Variants in MMP16 observed in about 807,000 individuals in gnomAD.
MMP16 encodes the protein matrix metallopeptidase 16, also known as matrix metalloproteinase-16.
Under a neutral mutation model 67.8 loss-of-function variants are expected in MMP16, and 12 were observed. The observed-to-expected ratio is 0.18, with a 90% confidence interval of 0.11 to 0.29. The LOEUF is 0.29. MMP16 is among the 10% of genes least tolerant of loss of function. MMP16 has a pLI of 1.00. For synonymous variants in MMP16, 249 were observed against 255.9 expected, an observed-to-expected ratio of 0.97 and a Z score of 0.26; for missense variants, 475 against 765.7, an observed-to-expected ratio of 0.62 and a Z score of 4.48.
intron 1 of MMP16, among the ~76,000 whole-genome samples, chr8:88,308,829 G>C (rs1204838307): frequency 6.6e-6 from 1 of 151,432 alleles, no homozygotes; most frequent in African/African-American, 2.4e-5. Flanking sequence ...GACAGAACGG[G>C]GCCAATTTTA....
chr8:88,204,992 C>T (rs1309526953), intron 1 of MMP16, among the ~76,000 whole-genome samples: 1 of 152,160 alleles, frequency 6.6e-6, no homozygotes, highest in Non-Finnish European at 1.5e-5. Context: ...TGCTTTCCTC[C>T]ACAGAATCTG....
intron 7 of MMP16, among the ~76,000 whole-genome samples, chr8:88,062,663 G>C (rs79809142): frequency 1.5e-4 from 23 of 151,408 alleles, no homozygotes; most frequent in Non-Finnish European, 2.4e-4. Flanking sequence ...GTTGTGGGGT[G>C]GGGGGAGTGG....
chr8:88,175,788 G>A (rs1697023922), intron 3 of MMP16, among the ~76,000 whole-genome samples: 1 of 152,166 alleles, frequency 6.6e-6, no homozygotes, highest in Non-Finnish European at 1.5e-5. Context: ...CTCCGTGGGA[G>A]GTAATTGAAT....
chr8:88,190,502 C>A (rs572383133), intron 2 of MMP16, among the ~76,000 whole-genome samples: 53 of 152,254 alleles, frequency 3.5e-4, no homozygotes, highest in Non-Finnish European at 6.9e-4. Context: ...TGTTGTCTAA[C>A]ATTAAATACA....
intron 1 of MMP16, among the ~76,000 whole-genome samples, chr8:88,216,316 T>C (rs1382479504): frequency 1.3e-5 from 2 of 152,198 alleles, no homozygotes; most frequent in African/African-American, 4.8e-5. Context: ...AACAAAGTTT[T>C]AATTTTTCTG....
At chr8:88,160,975 C>T (rs907006006) in intron 4 of MMP16, among the ~76,000 whole-genome samples, 4 of 152,188 alleles carry the variant, frequency 2.6e-5, no homozygotes, top group Admixed American at 6.5e-5. Context: ...ATTTTTGCAT[C>T]GATGTTCATC....
chr8:88,255,756 A>G (rs1810291183), intron 1 of MMP16, among the ~76,000 whole-genome samples: 1 of 152,182 alleles, frequency 6.6e-6, no homozygotes, highest in African/African-American at 2.4e-5. Context: ...GATTTTATAT[A>G]GGTGCATGAA....
chr8:88,220,352 T>C (rs1255547090), intron 1 of MMP16, among the ~76,000 whole-genome samples: 1 of 152,176 alleles, frequency 6.6e-6, no homozygotes, highest in African/African-American at 2.4e-5. Context: ...TTTCCTTTTA[T>C]TTCTTCCATT....
At chr8:88,296,627 A>G (rs1811016746) in intron 1 of MMP16, among the ~76,000 whole-genome samples, 1 of 152,094 alleles carries the variant, frequency 6.6e-6, no homozygotes, top group Non-Finnish European at 1.5e-5. Context: ...TGAGGCCAAG[A>G]GTTCGAAACC....
chr8:88,158,032 T>G (rs1808544366), intron 4 of MMP16, among the ~76,000 whole-genome samples: 1 of 152,178 alleles, frequency 6.6e-6, no homozygotes, highest in Non-Finnish European at 1.5e-5. Context: ...TAGTATTCCA[T>G]GGTGTATAGG....
At chr8:88,045,076 G>C (rs369469955) in intron 9 of MMP16, among the ~76,000 whole-genome samples, 48 of 152,082 alleles carry the variant, frequency 3.2e-4, no homozygotes, top group African/African-American at 1.1e-3. Flanking sequence ...TCTTAACTTG[G>C]TCTTTTAATT....
At chr8:88,191,844 GA>G (rs1192652788) in intron 2 of MMP16, among the ~76,000 whole-genome samples, 1 of 152,200 alleles carries the variant, frequency 6.6e-6, no homozygotes, top group East Asian at 1.9e-4. Flanking sequence ...GGTGCTGCAG[GA>G]AGGCCGTGCT....
intron 1 of MMP16, among the ~76,000 whole-genome samples, chr8:88,294,838 G>A (rs1810988313): frequency 6.6e-6 from 1 of 152,248 alleles, no homozygotes; most frequent in East Asian, 1.9e-4. Context: ...TCAGCCTCCT[G>A]AGAAGCTGGG....
At chr8:88,321,884 T>C (rs7008397) in intron 1 of MMP16, among the ~76,000 whole-genome samples, 152,167 of 152,282 alleles carry the variant, frequency 1, 76,027 homozygotes, top group Non-Finnish European at 1. Context: ...TAAAGCCCAC[T>C]TCCTTCAACT....
chr8:88,186,448 AG>A lies in MMP16; in HGVS notation c.404+27del, dbSNP rs747740604. The A allele has an allele frequency of 6.2e-6, 10 of 1,611,386 alleles. 1 individual carries two copies. Among genetic ancestry groups the A allele is most frequent in the Admixed American group, 1.7e-5 (1 of 59,814 alleles). On this transcript the variant is annotated intron_variant, in intron 3 of 9. Coordinates refer to ENST00000286614, the MANE Select transcript of MMP16 (RefSeq NM_005941.5). ...CAAATAGTAATGAAATATGGGGAAA[AG>A]GGGAGATTAATCGTGAGTTCTTATA...
At chr8:88,072,888 G>A (rs1234151541) in intron 7 of MMP16, among the ~76,000 whole-genome samples, 2 of 152,150 alleles carry the variant, frequency 1.3e-5, no homozygotes, top group Admixed American at 1.3e-4. Flanking sequence ...TGGAGGACAT[G>A]CCTTTTATGC....
chr8:88,309,325 A>C (rs1225345803), intron 1 of MMP16, among the ~76,000 whole-genome samples: 1 of 151,978 alleles, frequency 6.6e-6, no homozygotes, highest in African/African-American at 2.4e-5. Context: ...GCACTGGTAG[A>C]AAAAAATCTC....
intron 1 of MMP16, among the ~76,000 whole-genome samples, chr8:88,276,759 T>G (rs551809358): frequency 6.6e-6 from 1 of 152,222 alleles, no homozygotes; most frequent in East Asian, 1.9e-4. Context: ...CTCTCTCATC[T>G]CTCAATTATG....
intron 4 of MMP16, among the ~76,000 whole-genome samples, chr8:88,147,122 C>T (rs895069760): frequency 6.6e-6 from 1 of 151,934 alleles, no homozygotes; most frequent in African/African-American, 2.4e-5. Context: ...TATATTATCA[C>T]CTGATCACTT....
Sources: allele counts gnomAD v4.1 joint callset (sites outside exome capture counted in the v4.1 genomes callset), GRCh38; gene constraint gnomAD v4.1.1; transcripts MANE v1.5; gene names NCBI Gene and HGNC (gene_info 2026-07-23, HGNC 2026-07-21).